NRG1: variants seen among roughly 807,000 people sequenced by gnomAD.
NRG1 encodes the protein pro-neuregulin-1, membrane-bound isoform.
NRG1 carries 18 observed loss-of-function variants against 63.8 expected under a neutral mutation model. That is an observed-to-expected ratio of 0.28 (90% CI 0.19 to 0.42). The LOEUF (loss-of-function observed/expected upper bound fraction) is 0.42. NRG1 is among the 10% of genes least tolerant of loss of function. The probability of loss-of-function intolerance (pLI) is 1.00; values close to 1 mark genes in which losing one functional copy is unlikely to be tolerated. For synonymous variants in NRG1, 302 were observed against 301.3 expected, an observed-to-expected ratio of 1.00 and a Z score of -0.02; for missense variants, 762 against 814.7, an observed-to-expected ratio of 0.94 and a Z score of 0.79.
intron 1 of NRG1, among the ~76,000 whole-genome samples, chr8:32,526,916 C>T (rs541254024): frequency 6.6e-6 from 1 of 152,106 alleles, no homozygotes; most frequent in South Asian, 2.1e-4. Context: ...CATTTGTAGC[C>T]CTTCACTCTT....
intron 1 of NRG1, among the ~76,000 whole-genome samples, chr8:32,586,191 A>G (rs2067227378): frequency 6.7e-6 from 1 of 149,122 alleles, no homozygotes; most frequent in Non-Finnish European, 1.5e-5. Flanking sequence ...TATAATGTGT[A>G]TATGTATACA....
At chr8:31,691,126 C>G (rs767426145) in intron 1 of NRG1, among the ~76,000 whole-genome samples, 11 of 152,142 alleles carry the variant, frequency 7.2e-5, no homozygotes, top group Middle Eastern at 3.4e-3. Flanking sequence ...CCCTCTGCAC[C>G]CTTTTTGACA....
chr8:32,183,284 T>C (rs1253484319), intron 1 of NRG1, among the ~76,000 whole-genome samples: 2 of 152,204 alleles, frequency 1.3e-5, no homozygotes, highest in Non-Finnish European at 2.9e-5. Context: ...CTAACCTTGC[T>C]ACATGTGGGG....
At chr8:32,367,394 C>G (rs1023792683) in intron 1 of NRG1, among the ~76,000 whole-genome samples, 1 of 148,606 alleles carries the variant, frequency 6.7e-6, no homozygotes, top group African/African-American at 2.5e-5. Context: ...CCTGATGATT[C>G]GTGGTGTTGA....
At chr8:32,157,671 T>G (rs1838287858) in intron 1 of NRG1, among the ~76,000 whole-genome samples, 1 of 148,874 alleles carries the variant, frequency 6.7e-6, no homozygotes, top group Admixed American at 6.7e-5. Context: ...TTTATATATT[T>G]TTAAATATAT....
chr8:31,855,879 T>C (rs1827809741), intron 1 of NRG1, among the ~76,000 whole-genome samples: 1 of 152,064 alleles, frequency 6.6e-6, no homozygotes, highest in Admixed American at 6.5e-5. Flanking sequence ...TGAAGCTTAG[T>C]TTGGCTGGAT....
chr8:32,589,639 G>A (rs1358753382), intron 1 of NRG1, among the ~76,000 whole-genome samples: 2 of 152,298 alleles, frequency 1.3e-5, no homozygotes, highest in South Asian at 2.1e-4. Context: ...AGATCCTTCA[G>A]AGACCAGAAA....
At chr8:31,809,312 T>G (rs1322930213) in intron 1 of NRG1, among the ~76,000 whole-genome samples, 1 of 140,940 alleles carries the variant, frequency 7.1e-6, no homozygotes, top group East Asian at 2.3e-4. Flanking sequence ...TTTCCTTCAG[T>G]TTTTTTTTTC....
At chr8:32,405,964 C>T (rs140469129) in intron 1 of NRG1, among the ~76,000 whole-genome samples, 34 of 152,188 alleles carry the variant, frequency 2.2e-4, no homozygotes, top group South Asian at 1.0e-3. Flanking sequence ...ACAAAAAAGA[C>T]GCATAGAAAA....
chr8:32,412,447 T>TATAC (rs1554532887), intron 1 of NRG1, among the ~76,000 whole-genome samples: 8 of 56,358 alleles, frequency 1.4e-4, no homozygotes, highest in Admixed American at 7.6e-4. Flanking sequence ...TATATATATA[T>TATAC]ATATACATAT....
intron 1 of NRG1, among the ~76,000 whole-genome samples, chr8:31,741,976 G>C (rs183261627): frequency 1.4e-4 from 21 of 152,102 alleles, no homozygotes; most frequent in Non-Finnish European, 2.6e-4. Context: ...TCAATAGACT[G>C]ATAGATTGGC....
chr8:32,108,097 GA>G (rs1831509532), intron 1 of NRG1, among the ~76,000 whole-genome samples: 1 of 152,020 alleles, frequency 6.6e-6, no homozygotes. Flanking sequence ...GAAACCCAGA[GA>G]AAAAACTTGG....
chr8:32,307,591 GTGTGTGT>G (rs1856351814), intron 1 of NRG1, among the ~76,000 whole-genome samples: 1 of 32,118 alleles, frequency 3.1e-5, no homozygotes, highest in African/African-American at 8.8e-5. Context: ...CCAGGGGTTT[GTGTGTGT>G]GTGTGTGTGT....
chr8:32,166,002 A>G (rs1839358259), intron 1 of NRG1, among the ~76,000 whole-genome samples: 1 of 152,192 alleles, frequency 6.6e-6, no homozygotes, highest in African/African-American at 2.4e-5. Context: ...GAATAATTTC[A>G]TCCTCACCCT....
At chr8:32,672,797 T>A (rs963032025) in intron 5 of NRG1, among the ~76,000 whole-genome samples, 3 of 152,152 alleles carry the variant, frequency 2.0e-5, no homozygotes, top group Non-Finnish European at 2.9e-5. Context: ...ATGGCCATTG[T>A]TGTTGTTATG....
intron 1 of NRG1, among the ~76,000 whole-genome samples, chr8:32,321,222 T>C (rs1801344651): frequency 6.6e-6 from 1 of 152,142 alleles, no homozygotes; most frequent in African/African-American, 2.4e-5. Flanking sequence ...AATTACCTCG[T>C]AAATCACTAA....
At chr8:32,327,954 A>G (rs1802203293) in intron 1 of NRG1, among the ~76,000 whole-genome samples, 1 of 152,240 alleles carries the variant, frequency 6.6e-6, no homozygotes, top group Non-Finnish European at 1.5e-5. Context: ...GAGGGCAGAA[A>G]GTAATATGAT....
At chr8:32,696,656 C>CTT (rs143232293) in intron 5 of NRG1, among the ~76,000 whole-genome samples, 3 of 86,580 alleles carry the variant, frequency 3.5e-5, no homozygotes, top group Admixed American at 1.2e-4. Flanking sequence ...TATAATCTAT[C>CTT]TTTTTTTTTT....
intron 5 of NRG1, among the ~76,000 whole-genome samples, chr8:32,690,424 A>T (rs1319566876): frequency 2.0e-5 from 3 of 152,046 alleles, no homozygotes; most frequent in African/African-American, 7.2e-5. Context: ...GACCTACTGT[A>T]TTGCAAATTT....
Sources: allele counts gnomAD v4.1 joint callset (sites outside exome capture counted in the v4.1 genomes callset), GRCh38; gene constraint gnomAD v4.1.1; transcripts MANE v1.5; gene names NCBI Gene and HGNC (gene_info 2026-07-23, HGNC 2026-07-21).